The following FER1L6 variants were observed in gnomAD, a reference collection of about 807,000 sequenced individuals.
The protein encoded by FER1L6 is fer-1 like family member 6.
In FER1L6, 177 loss-of-function variants were observed where a neutral mutation model predicts 219.2. That is an observed-to-expected ratio of 0.81 (90% CI 0.71 to 0.91). The LOEUF (loss-of-function observed/expected upper bound fraction) is 0.91. Among genes scored for constraint, FER1L6 ranks in the 40% least tolerant of loss-of-function variants. FER1L6 has a pLI of 0.00. For synonymous variants in FER1L6, 768 were observed against 824.3 expected (o/e 0.93, Z 1.17); for missense variants, 2,153 against 2,259.9 (o/e 0.95, Z 0.96).
At chr8:123,887,263 G>C (rs1211357500) in intron 1 of FER1L6, among the ~76,000 whole-genome samples, 1 of 152,150 alleles carries the variant, frequency 6.6e-6, no homozygotes, top group Non-Finnish European at 1.5e-5. Flanking sequence ...TGCTGTCTCA[G>C]TAATTGCCTT....
At chr8:123,943,162 C>T (rs942831893) in intron 1 of FER1L6, among the ~76,000 whole-genome samples, 3 of 152,052 alleles carry the variant, frequency 2.0e-5, no homozygotes, top group African/African-American at 7.2e-5. Flanking sequence ...CTAGAACTTA[C>T]CAAAAGTAAA....
intron 1 of FER1L6, among the ~76,000 whole-genome samples, chr8:123,921,516 C>T (rs1175224142): frequency 6.6e-6 from 1 of 151,410 alleles, no homozygotes; most frequent in East Asian, 1.9e-4. Context: ...AGGTGTCCAC[C>T]ACCATGCCAG....
Position 124,023,547 on chromosome 8 carries a change from C to G in FER1L6, c.2237C>G (p.Ala746Gly). 6.2e-7 allele frequency: 1 copy of G among 1,614,138 alleles called. No homozygotes were observed. The highest frequency in any genetic ancestry group is 8.5e-7 in the Non-Finnish European group (1 of 1,180,006). ...AAAGACCTCCTCTATTCCCCTGTCG[C>G]GGGGCAGATGGGCAAACACTGCGGC... The part of the protein sequence containing the change: ...ASKDLLYSPV[A>G]GQMGKHCGKI... The change falls in exon 18 of 41, where the codon GCG (alanine) becomes GGG (glycine). Residue 746 changes from alanine (A) to glycine (G), a missense_variant. Physicochemically the swap from Ala to Gly is moderately conservative, Grantham distance 60. Coordinates refer to ENST00000522917, the MANE Select transcript of FER1L6 (RefSeq NM_001039112.2).
rs748075070 is a variant in FER1L6 at position 124,101,174 on chromosome 8, A to G, written c.4961A>G (p.Asn1654Ser). Residue 1654 changes from asparagine (N) to serine (S), a missense_variant, in exon 38 of 41, where the codon AAC becomes AGC. Transcript: ENST00000522917. The part of the protein sequence containing the change: ...YNSLTGEGNF[N>S]WRFLFPFQYL... Reference sequence around the variant, plus strand: ...TCCCTGACTGGAGAGGGCAACTTCAACTGGCGCTTCCTGTTTCCCTTTCAG... The same window carrying G: ...TCCCTGACTGGAGAGGGCAACTTCAGCTGGCGCTTCCTGTTTCCCTTTCAG... 3.7e-6 allele frequency: 6 copies of G among 1,613,852 alleles called. No homozygotes were observed. Among genetic ancestry groups the G allele is most frequent in the Admixed American group, 1.7e-5 (1 of 59,968 alleles).
chr8:124,032,543 A>G (rs1586615682), intron 18 of FER1L6, among the ~76,000 whole-genome samples: 2 of 152,130 alleles, frequency 1.3e-5, no homozygotes, highest in Non-Finnish European at 2.9e-5. Flanking sequence ...ACCCTAGGAA[A>G]CATGGTGAAA....
intron 39 of FER1L6, among the ~76,000 whole-genome samples, chr8:124,117,683 T>A (rs1214820930): frequency 6.6e-6 from 1 of 152,170 alleles, no homozygotes; most frequent in Non-Finnish European, 1.5e-5. Flanking sequence ...TGCCACTCCC[T>A]CTCTATCCCT....
At chr8:123,914,362 A>G (rs1311823466) in intron 1 of FER1L6, among the ~76,000 whole-genome samples, 1 of 152,200 alleles carries the variant, frequency 6.6e-6, no homozygotes, top group Non-Finnish European at 1.5e-5. Context: ...TCTGTCATTG[A>G]CGGGGAAAAA....
At chr8:124,103,978 G>A (rs1822656394) in intron 39 of FER1L6, among the ~76,000 whole-genome samples, 1 of 152,144 alleles carries the variant, frequency 6.6e-6, no homozygotes, top group African/African-American at 2.4e-5. Flanking sequence ...AGCACACCTA[G>A]GACAGGATTT....
intron 33 of FER1L6, among the ~76,000 whole-genome samples, chr8:124,090,186 T>A (rs2130940667): frequency 6.6e-6 from 1 of 152,312 alleles, no homozygotes; most frequent in East Asian, 1.9e-4. Context: ...AGCGCCTATA[T>A]CCTTCATGGA....
chr8:123,938,727 T>C (rs139880171), intron 1 of FER1L6, among the ~76,000 whole-genome samples: 2 of 152,018 alleles, frequency 1.3e-5, no homozygotes, highest in Admixed American at 6.5e-5. Flanking sequence ...TTTGTGTTTT[T>C]AGTAGAGATG....
At chr8:124,025,535 A>G (rs551927858) in intron 18 of FER1L6, among the ~76,000 whole-genome samples, 4 of 152,294 alleles carry the variant, frequency 2.6e-5, no homozygotes, top group Admixed American at 2.6e-4. Context: ...CCACTGGCCT[A>G]TATATCTACT....
intron 1 of FER1L6, among the ~76,000 whole-genome samples, chr8:123,920,607 C>T (rs984834781): frequency 2.6e-5 from 4 of 152,172 alleles, no homozygotes; most frequent in African/African-American, 9.7e-5. Context: ...AACATTCCAG[C>T]TTAGTATAGG....
At chr8:123,881,169 G>A (rs1817102425) in intron 1 of FER1L6, among the ~76,000 whole-genome samples, 1 of 152,052 alleles carries the variant, frequency 6.6e-6, no homozygotes, top group African/African-American at 2.4e-5. Flanking sequence ...CCTCACTTGG[G>A]AATATTGTTT....
chr8:123,885,860 A>G (rs1329861710), intron 1 of FER1L6, among the ~76,000 whole-genome samples: 6 of 152,148 alleles, frequency 3.9e-5, no homozygotes, highest in Admixed American at 3.9e-4. Flanking sequence ...GAGCCATGCT[A>G]CTTCTCCAGT....
intron 33 of FER1L6, among the ~76,000 whole-genome samples, chr8:124,087,319 T>C (rs769273130): frequency 2.0e-5 from 3 of 152,130 alleles, no homozygotes; most frequent in Non-Finnish European, 4.4e-5. Flanking sequence ...TAGTCTATCT[T>C]CAAGCTCACT....
At position 124,101,258 on chromosome 8, in the gene FER1L6, A is replaced by G; in HGVS notation, c.5045A>G (p.Glu1682Gly). Reference sequence around the variant, plus strand: ...AAGAGGGAGAACATCTTCTCTTTAGAGAAGATGGAGTGTAAGACTCCTGCT... The same window carrying G: ...AAGAGGGAGAACATCTTCTCTTTAGGGAAGATGGAGTGTAAGACTCCTGCT... ...ITKRENIFSL[E>G]KMECKTPAVL... is the part of the protein sequence containing the mutation. Residue 1682 changes from glutamate (E) to glycine (G), a missense_variant, in exon 38 of 41, where the codon GAG becomes GGG. Coordinates refer to ENST00000522917, the MANE Select transcript of FER1L6 (RefSeq NM_001039112.2). The G allele has an allele frequency of 6.2e-7, 1 of 1,613,852 alleles. No homozygotes were observed. The highest frequency in any genetic ancestry group is 8.5e-7 in the Non-Finnish European group (1 of 1,179,900).
intron 1 of FER1L6, among the ~76,000 whole-genome samples, chr8:123,908,052 C>G (rs531192861): frequency 6.6e-6 from 1 of 152,070 alleles, no homozygotes; most frequent in Non-Finnish European, 1.5e-5. Context: ...GTCCCAGAAC[C>G]AAGCACCATA....
chr8:123,874,276 T>C (rs1477652120), intron 1 of FER1L6, among the ~76,000 whole-genome samples: 2 of 152,184 alleles, frequency 1.3e-5, no homozygotes, highest in African/African-American at 4.8e-5. Context: ...TCTCAAGTCA[T>C]AGAATATAGG....
intron 11 of FER1L6, 112 bp downstream of exon 11, chr8:123,980,923 A>C (rs1816296873): frequency 2.1e-6 from 2 of 958,068 alleles, no homozygotes; most frequent in Non-Finnish European, 3.0e-6. Flanking sequence ...ATTCCCTCTG[A>C]AAAATTTGTG....
Sources: gnomAD v4.1 joint callset for allele counts (sites outside exome capture counted in the v4.1 genomes callset) on GRCh38, gnomAD v4.1.1 for gene constraint, MANE v1.5 for transcripts, NCBI Gene and HGNC (gene_info 2026-07-23, HGNC 2026-07-21) for gene names.